The following ANO4 variants were observed in gnomAD, a reference collection of about 807,000 sequenced individuals.
The protein encoded by ANO4 is anoctamin 4, also known as anoctamin-4.
ANO4 carries 69 observed loss-of-function variants against 141.9 expected under a neutral mutation model. The ratio of observed to expected loss-of-function variants is 0.49; its 90% CI spans 0.40 to 0.59. ANO4 has a LOEUF of 0.59. Among genes scored for constraint, ANO4 ranks in the 20% least tolerant of loss-of-function variants. The pLI is 0.00. For missense variants in ANO4, 894 were observed against 1,162.2 expected (o/e 0.77, Z 3.36); for synonymous variants, 350 against 394.3 (o/e 0.89, Z 1.33).
chr12:100,969,718 C>T (rs981652376), intron 5 of ANO4, among the ~76,000 whole-genome samples: 14 of 149,994 alleles, frequency 9.3e-5, no homozygotes, highest in African/African-American at 3.2e-4. Context: ...GATTGTTATA[C>T]AATACTAGTA....
chr12:100,866,277 C>T (rs564074557), intron 1 of ANO4, among the ~76,000 whole-genome samples: 2 of 152,292 alleles, frequency 1.3e-5, no homozygotes, highest in African/African-American at 4.8e-5. Context: ...ACTGCCTCTT[C>T]AAAGCAGTGG....
At chr12:101,022,565 G>A (rs2046576376) in intron 9 of ANO4, among the ~76,000 whole-genome samples, 1 of 152,120 alleles carries the variant, frequency 6.6e-6, no homozygotes, top group Admixed American at 6.5e-5. Flanking sequence ...GATGTGCTAT[G>A]CATCCTTTTT....
intron 3 of ANO4, among the ~76,000 whole-genome samples, chr12:100,787,833 A>G (rs1042366299): frequency 3.9e-5 from 6 of 152,222 alleles, no homozygotes; most frequent in African/African-American, 1.2e-4. Context: ...ATGCATTTAC[A>G]TGGAAAAATG....
At position 100,754,072 on chromosome 12, in the gene ANO4, T is replaced by C. The variant is rs539146998; in HGVS notation, c.358+13967T>C. On this transcript the variant is annotated intron_variant, in intron 3 of 29. Coordinates refer to the ANO4 transcript ENST00000644049. ...TTCAACCAGACACTGAAATTGTTCT[T>C]TGTTCATTTACTGGGCCAGGTTCTA... Among the ~76,000 whole-genome samples the C allele has an allele frequency of 3.3e-4, 51 of 152,320 alleles. No homozygotes were observed. The South Asian group carries it at 1.0e-2, about 30-fold the overall frequency.
intron 2 of ANO4, among the ~76,000 whole-genome samples, chr12:100,906,476 A>G (rs1342321258): frequency 5.9e-5 from 9 of 152,206 alleles, no homozygotes; most frequent in Non-Finnish European, 1.2e-4. Flanking sequence ...TAATTTTATT[A>G]TAGTAATATC....
intron 25 of ANO4, among the ~76,000 whole-genome samples, chr12:101,118,098 C>G (rs1244067286): frequency 6.6e-6 from 1 of 152,084 alleles, no homozygotes; most frequent in African/African-American, 2.4e-5. Context: ...ACAATTGATA[C>G]TTTCTTCAGT....
chr12:100,763,707 C>T (rs914171602), intron 3 of ANO4, among the ~76,000 whole-genome samples: 2 of 152,176 alleles, frequency 1.3e-5, no homozygotes, highest in Non-Finnish European at 2.9e-5. Flanking sequence ...TATTTCGGGT[C>T]ATGTGGGCTT....
chr12:100,837,766 A>G (rs975685470), intron 1 of ANO4, among the ~76,000 whole-genome samples: 7 of 151,822 alleles, frequency 4.6e-5, no homozygotes, highest in African/African-American at 7.3e-5. Flanking sequence ...AGTCAGGGCA[A>G]TAAAGGTTTG....
intron 1 of ANO4, among the ~76,000 whole-genome samples, chr12:100,727,108 AT>A (rs1349723721): frequency 6.6e-6 from 1 of 152,142 alleles, no homozygotes; most frequent in Non-Finnish European, 1.5e-5. Context: ...AAGTTTTATA[AT>A]ACTTCACCAT....
At chr12:100,972,818 G>T (rs910146186) in intron 6 of ANO4, among the ~76,000 whole-genome samples, 2 of 152,138 alleles carry the variant, frequency 1.3e-5, no homozygotes, top group Non-Finnish European at 2.9e-5. Flanking sequence ...AAAACCTTCT[G>T]CCAGAACACA....
intron 1 of ANO4, among the ~76,000 whole-genome samples, chr12:100,892,278 A>G (rs1398140589): frequency 6.6e-6 from 1 of 152,198 alleles, no homozygotes; most frequent in African/African-American, 2.4e-5. Flanking sequence ...TATATACTAC[A>G]ACATTTAAAG....
At position 101,116,786 on chromosome 12, in the gene ANO4, T is replaced by C; in HGVS notation, c.2558T>C (p.Leu853Pro). ...GGCAGTGAGTTCTCGGGGACTCCTCTTAAGTACTGCAGGTGAGTGTGGCAC... is the reference window on the plus strand; with the variant it reads ...GGCAGTGAGTTCTCGGGGACTCCTCCTAAGTACTGCAGGTGAGTGTGGCAC... ...SDGSEFSGTP[L>P]KYCRYRDYRD... The change falls in exon 25 of 28, where the codon CTT becomes CCT. Residue 853 changes from leucine to proline, a missense_variant. Around this residue, in one of 2 missense-constraint regions of ANO4, gnomAD observed 637 missense variants for 909.2 expected, o/e 0.70. Transcript: ENST00000392977. 5 of 1,614,140 alleles carry C rather than the reference T, an allele frequency of 3.1e-6. No homozygotes were observed. Among genetic ancestry groups the C allele is most frequent in the Middle Eastern group, 1.7e-4 (1 of 6,050 alleles).
At chr12:100,889,056 G>A (rs1167346394) in intron 1 of ANO4, among the ~76,000 whole-genome samples, 2 of 122,554 alleles carry the variant, frequency 1.6e-5, no homozygotes, top group African/African-American at 6.6e-5. Flanking sequence ...ACAGTCCCCA[G>A]AGTGTGATGT....
At chr12:101,046,963 A>T (rs1401504371) in intron 13 of ANO4, among the ~76,000 whole-genome samples, 1 of 152,188 alleles carries the variant, frequency 6.6e-6, no homozygotes, top group Non-Finnish European at 1.5e-5. Context: ...AAATACTCTG[A>T]TAGAGGCTGG....
chr12:101,066,997 C>CAAAA (rs34416390), intron 14 of ANO4: 678 of 179,154 alleles, frequency 3.8e-3, no homozygotes, highest in South Asian at 5.7e-3. Flanking sequence ...TAAAGTATAA[C>CAAAA]AAAAAAAAAA....
chr12:100,784,361 C>T (rs1046373351), intron 3 of ANO4, among the ~76,000 whole-genome samples: 8 of 152,140 alleles, frequency 5.3e-5, no homozygotes, highest in South Asian at 2.1e-4. Context: ...TGGAACACAG[C>T]GACTGTTTCC....
chr12:100,898,078 C>T (rs753128094), intron 1 of ANO4, among the ~76,000 whole-genome samples: 2 of 152,208 alleles, frequency 1.3e-5, no homozygotes, highest in East Asian at 1.9e-4. Context: ...AGTAACTTCT[C>T]GAGCCTCAGA....
At chr12:100,872,292 G>C (rs1339297254) in intron 1 of ANO4, among the ~76,000 whole-genome samples, 2 of 152,048 alleles carry the variant, frequency 1.3e-5, no homozygotes, top group African/African-American at 4.8e-5. Context: ...ACAACATGAT[G>C]GATCCTGTCA....
At chr12:100,782,670 A>T (rs976479990) in intron 3 of ANO4, among the ~76,000 whole-genome samples, 3 of 152,142 alleles carry the variant, frequency 2.0e-5, no homozygotes, top group Non-Finnish European at 2.9e-5. Context: ...CCTTATCTGG[A>T]ACATGGGGAT....
Sources: allele counts gnomAD v4.1 joint callset (sites outside exome capture counted in the v4.1 genomes callset), GRCh38; gene constraint gnomAD v4.1.1; regional missense constraint gnomAD v4.1.1; transcripts MANE v1.5; gene names NCBI Gene and HGNC (gene_info 2026-07-23, HGNC 2026-07-21).